Variants in DEUP1 observed in about 807,000 individuals in gnomAD.
DEUP1 encodes coiled-coil domain containing 67.
DEUP1 carries 82 observed loss-of-function variants against 87.4 expected under a neutral mutation model. The observed-to-expected ratio is 0.94, with a 90% CI of 0.78 to 1.13. DEUP1 has a LOEUF of 1.13. Among genes scored for constraint, DEUP1 ranks in the 50% most tolerant of loss-of-function variants. The probability of loss-of-function intolerance (pLI) is 0.00; values close to 1 mark genes in which losing one functional copy is unlikely to be tolerated. For synonymous variants in DEUP1, 214 were observed against 222.7 expected, an observed-to-expected ratio of 0.96 and a Z score of 0.35; for missense variants, 663 against 681.5, an observed-to-expected ratio of 0.97 and a Z score of 0.30.
At chr11:93,353,426 A>C (rs1238305793) in intron 2 of DEUP1, among the ~76,000 whole-genome samples, 1 of 152,020 alleles carries the variant, frequency 6.6e-6, no homozygotes, top group Non-Finnish European at 1.5e-5. Context: ...TGCACAGTGC[A>C]AGTTGTTGGA....
At chr11:93,373,392 G>A (rs2134275988) in intron 7 of DEUP1, among the ~76,000 whole-genome samples, 1 of 151,808 alleles carries the variant, frequency 6.6e-6, no homozygotes, top group Admixed American at 6.6e-5. Context: ...TCATTCTTAT[G>A]CCTTTGAAGC....
chr11:93,373,261 G>C (rs1170540579), intron 7 of DEUP1, among the ~76,000 whole-genome samples: 1 of 151,986 alleles, frequency 6.6e-6, no homozygotes, highest in African/African-American at 2.4e-5. Context: ...ACATAAATAA[G>C]TTCTTTACTG....
At chr11:93,436,203 A>G (rs1456948359) in intron 13 of DEUP1, among the ~76,000 whole-genome samples, 1 of 152,174 alleles carries the variant, frequency 6.6e-6, no homozygotes, top group African/African-American at 2.4e-5. Flanking sequence ...TCTGGAGTAC[A>G]TACATCTTTC....
At chr11:93,383,632 G>T in intron 7 of DEUP1, 1 of 663,232 alleles carries the variant, frequency 1.5e-6, no homozygotes, top group Non-Finnish European at 2.7e-6. Context: ...ATATTTCAAT[G>T]AATATTATTA....
At chr11:93,360,135 C>T (rs1945097251) in intron 4 of DEUP1, among the ~76,000 whole-genome samples, 1 of 152,130 alleles carries the variant, frequency 6.6e-6, no homozygotes, top group South Asian at 2.1e-4. Flanking sequence ...TTACAAGGCA[C>T]CCATGCCCCT....
intron 5 of DEUP1, among the ~76,000 whole-genome samples, chr11:93,365,294 C>CT (rs1279116088): frequency 1.3e-5 from 2 of 152,030 alleles, no homozygotes; most frequent in Non-Finnish European, 2.9e-5. Flanking sequence ...AAAAGTCCAG[C>CT]ACATTTTACA....
intron 2 of DEUP1, among the ~76,000 whole-genome samples, chr11:93,344,950 T>C (rs969303647): frequency 3.9e-5 from 6 of 152,020 alleles, no homozygotes; most frequent in African/African-American, 1.4e-4. Flanking sequence ...GATTATTTCA[T>C]CATCCACATA....
At chr11:93,409,395 T>A (rs1012432692) in intron 12 of DEUP1, among the ~76,000 whole-genome samples, 5 of 152,372 alleles carry the variant, frequency 3.3e-5, no homozygotes, top group Admixed American at 2.6e-4. Flanking sequence ...TATGGAGTCA[T>A]AAGTCTCTGA....
At chr11:93,384,514 A>G (rs1262266705) in intron 7 of DEUP1, among the ~76,000 whole-genome samples, 1 of 152,098 alleles carries the variant, frequency 6.6e-6, no homozygotes, top group Non-Finnish European at 1.5e-5. Flanking sequence ...ACTCTCTTCT[A>G]ATGGGTCCTT....
chr11:93,364,374 A>T, intron 5 of DEUP1, 80 bp downstream of exon 5: 1 of 1,260,316 alleles, frequency 7.9e-7, no homozygotes, highest in East Asian at 2.3e-5. Flanking sequence ...TCTAGTGTCC[A>T]CAATGGTGTC....
chr11:93,437,436 AGAGCTGCGGTGTTT>A, intron 13 of DEUP1, 93 bp from the exon 14 acceptor site: 1 of 765,520 alleles, frequency 1.3e-6, no homozygotes, highest in East Asian at 2.7e-5. Flanking sequence ...TCTTTCATTA[AGAGCTGCGGTGTTT>A]GACAGTATGT....
chr11:93,330,570 C>G (rs866807299), upstream of DEUP1: 6 of 152,276 alleles, frequency 3.9e-5, no homozygotes, highest in Non-Finnish European at 8.8e-5. Context: ...GCCGCGACGT[C>G]CCCATGGCAA....
intron 12 of DEUP1, among the ~76,000 whole-genome samples, chr11:93,414,785 A>G (rs1224695491): frequency 2.6e-5 from 4 of 152,174 alleles, no homozygotes; most frequent in African/African-American, 7.2e-5. Flanking sequence ...ACAGTTGTTA[A>G]GTTTTCTGCT....
At chr11:93,420,351 A>T (rs1947836054) in intron 13 of DEUP1, among the ~76,000 whole-genome samples, 1 of 152,248 alleles carries the variant, frequency 6.6e-6, no homozygotes, top group South Asian at 2.1e-4. Context: ...AAGGCCTTTG[A>T]CAAAATTCAA....
At chr11:93,346,549 C>G (rs1217393260) in intron 2 of DEUP1, among the ~76,000 whole-genome samples, 11 of 152,030 alleles carry the variant, frequency 7.2e-5, no homozygotes, top group Non-Finnish European at 1.2e-4. Context: ...TTTTAAAGAA[C>G]TTCTTTCTGT....
At chr11:93,427,580 C>G (rs1197849400) in intron 13 of DEUP1, among the ~76,000 whole-genome samples, 2 of 151,108 alleles carry the variant, frequency 1.3e-5, no homozygotes, top group Non-Finnish European at 3.0e-5. Flanking sequence ...GACTTCATGT[C>G]TAAAACACCA....
chr11:93,405,590 T>C (rs138353558), intron 11 of DEUP1, among the ~76,000 whole-genome samples: 36 of 152,080 alleles, frequency 2.4e-4, no homozygotes, highest in Non-Finnish European at 4.6e-4. Context: ...CCATAATAGG[T>C]AGTAAGCGGA....
intron 5 of DEUP1, among the ~76,000 whole-genome samples, chr11:93,367,840 A>T (rs138437571): frequency 6.6e-6 from 1 of 152,338 alleles, no homozygotes; most frequent in East Asian, 1.9e-4. Context: ...GAATGTTTAA[A>T]TTCTAGGAAA....
chr11:93,355,248 C>T, intron 2 of DEUP1, 123 bp from the exon 3 acceptor site: 1 of 870,916 alleles, frequency 1.1e-6, no homozygotes, highest in Non-Finnish European at 1.8e-6. Flanking sequence ...TGAACTTATT[C>T]CTATTTAAAT....
Sources: allele counts gnomAD v4.1 joint callset (sites outside exome capture counted in the v4.1 genomes callset), GRCh38; gene constraint gnomAD v4.1.1; transcripts MANE v1.5; gene names NCBI Gene and HGNC (gene_info 2026-07-23, HGNC 2026-07-21).